The following AGMO variants were observed in gnomAD, a reference collection of about 807,000 sequenced individuals.
AGMO encodes the protein glyceryl-ether monooxygenase.
A neutral mutation model predicts 60.2 loss-of-function variants in AGMO; 75 were observed. The ratio of observed to expected loss-of-function variants is 1.25; its 90% CI spans 1.03 to 1.51. The LOEUF (loss-of-function observed/expected upper bound fraction) is 1.51. Among genes scored for constraint, AGMO ranks in the 40% most tolerant of loss-of-function variants. The probability of loss-of-function intolerance (pLI) is 0.00; values close to 1 mark genes in which losing one functional copy is unlikely to be tolerated. For synonymous variants in AGMO, 261 were observed against 177.1 expected (o/e 1.47, Z -3.76); for missense variants, 763 against 525.5 (o/e 1.45, Z -4.42).
intron 12 of AGMO, among the ~76,000 whole-genome samples, chr7:15,242,717 T>C (rs550267754): frequency 7.7e-4 from 117 of 152,280 alleles, no homozygotes; most frequent in Non-Finnish European, 1.5e-3. Context: ...GATTACCACT[T>C]TCCCCACTGC....
At chr7:15,464,612 T>C (rs1401374144) in intron 3 of AGMO, among the ~76,000 whole-genome samples, 6 of 152,138 alleles carry the variant, frequency 3.9e-5, no homozygotes, top group African/African-American at 1.2e-4. Context: ...CGTCTTCTAA[T>C]ATGAAAACTT....
chr7:15,146,198 G>A, the AGMO span, among the ~76,000 whole-genome samples: 3 of 152,104 alleles, frequency 2.0e-5, no homozygotes, highest in Non-Finnish European at 2.9e-5. Context: ...ATCTTATCAA[G>A]TTATGTTATA....
intron 4 of AGMO, among the ~76,000 whole-genome samples, chr7:15,428,106 C>G (rs750629623): frequency 2.0e-5 from 3 of 150,380 alleles, no homozygotes; most frequent in Non-Finnish European, 3.0e-5. Context: ...ACCTTGGTAA[C>G]TGCTAAATTA....
chr7:15,264,186 AAAC>A (rs1291679298), intron 12 of AGMO, among the ~76,000 whole-genome samples: 1 of 151,998 alleles, frequency 6.6e-6, no homozygotes, highest in East Asian at 1.9e-4. Context: ...ACCAATTAAA[AAAC>A]AACCTTTTAA....
At chr7:15,317,926 C>T (rs1002375008) in intron 12 of AGMO, among the ~76,000 whole-genome samples, 2 of 134,876 alleles carry the variant, frequency 1.5e-5, no homozygotes, top group Non-Finnish European at 3.1e-5. Flanking sequence ...TATACACACA[C>T]GTATATATAT....
the AGMO span, among the ~76,000 whole-genome samples, chr7:15,180,925 G>A: frequency 6.6e-6 from 1 of 152,124 alleles, no homozygotes; most frequent in African/African-American, 2.4e-5. Context: ...GGCAGCAAAT[G>A]AAAGGGTGAA....
chr7:15,216,774 A>T (rs149575860), intron 12 of AGMO, among the ~76,000 whole-genome samples: 1 of 152,092 alleles, frequency 6.6e-6, no homozygotes, highest in Non-Finnish European at 1.5e-5. Context: ...AGATCAACAC[A>T]TATCAATTGA....
At chr7:15,286,462 A>G (rs984503451) in intron 12 of AGMO, among the ~76,000 whole-genome samples, 2 of 152,192 alleles carry the variant, frequency 1.3e-5, no homozygotes, top group African/African-American at 4.8e-5. Flanking sequence ...GCCAACAAAT[A>G]TATCAAAAAA....
chr7:15,342,172 T>TAAAAAAAAAAAAAACAAAAA (rs1781875021), intron 12 of AGMO, among the ~76,000 whole-genome samples: 1 of 54,310 alleles, frequency 1.8e-5, no homozygotes, highest in African/African-American at 9.3e-5. Context: ...CCCACAGAGT[T>TAAAAAAAAAAAAAACAAAAA]AAAAAAAAAA....
At chr7:15,426,024 TAAAAC>T (rs1293829509) in intron 4 of AGMO, among the ~76,000 whole-genome samples, 3 of 152,166 alleles carry the variant, frequency 2.0e-5, no homozygotes, top group Non-Finnish European at 4.4e-5. Context: ...GCTTTATAGA[TAAAAC>T]AAATATGTTC....
the AGMO span, among the ~76,000 whole-genome samples, chr7:15,158,615 T>C: frequency 2.6e-4 from 39 of 152,326 alleles, no homozygotes; most frequent in Middle Eastern, 3.4e-3. Flanking sequence ...ATATGTCTTG[T>C]GAGCCCCTGG....
At chr7:15,322,456 AAATATATATAAATATAT>A (rs1375411787) in intron 12 of AGMO, among the ~76,000 whole-genome samples, 7 of 78,518 alleles carry the variant, frequency 8.9e-5, no homozygotes, top group Non-Finnish European at 1.8e-4. Flanking sequence ...ATATATATAT[AAATATATATAAATATAT>A]AAATATATAT....
chr7:15,207,229 G>C (rs1257255156), intron 12 of AGMO, among the ~76,000 whole-genome samples: 1 of 152,164 alleles, frequency 6.6e-6, no homozygotes, highest in African/African-American at 2.4e-5. Flanking sequence ...ATTAGCTACT[G>C]CACATGTAAA....
chr7:15,174,184 A>G, the AGMO span, among the ~76,000 whole-genome samples: 2 of 152,048 alleles, frequency 1.3e-5, no homozygotes, highest in Non-Finnish European at 2.9e-5. Context: ...CCAAATATAT[A>G]GATATGCAAA....
At chr7:15,172,449 G>C in the AGMO span, among the ~76,000 whole-genome samples, 6 of 152,138 alleles carry the variant, frequency 3.9e-5, no homozygotes, top group Admixed American at 3.9e-4. Context: ...CAATCATTCT[G>C]TAGACCTCCG....
intron 3 of AGMO, among the ~76,000 whole-genome samples, chr7:15,524,751 A>G (rs1357057842): frequency 1.3e-5 from 2 of 151,892 alleles, no homozygotes; most frequent in Non-Finnish European, 2.9e-5. Context: ...AATCCCAGTT[A>G]CATGGGAGGC....
intron 2 of AGMO, among the ~76,000 whole-genome samples, chr7:15,556,590 C>G (rs545041843): frequency 6.6e-6 from 1 of 151,934 alleles, no homozygotes; most frequent in East Asian, 1.9e-4. Flanking sequence ...AATTGAAGTC[C>G]CAGTTTTCTA....
At position 15,201,263 on chromosome 7, in the gene AGMO, G is replaced by T; in HGVS notation, c.*22C>A. 1.3e-6 allele frequency: 2 copies of T among 1,564,216 alleles called. No homozygotes were observed. Among genetic ancestry groups the T allele is most frequent in the East Asian group, 2.3e-5 (1 of 44,344 alleles). On this transcript the variant is annotated 3_prime_UTR_variant, in exon 13 of 13. Coordinates refer to ENST00000342526, the MANE Select transcript of AGMO (RefSeq NM_001004320.2). ...GCGTGTGGACAACTCATTAAAAGAA[G>T]AGAATTATGTACAAATTCAGGTTAT...
intron 3 of AGMO, among the ~76,000 whole-genome samples, chr7:15,502,767 G>A (rs1220557637): frequency 2.0e-5 from 3 of 152,024 alleles, no homozygotes; most frequent in Admixed American, 1.3e-4. Flanking sequence ...ATGAAATAGA[G>A]AAAATTCTTT....
Sources: allele counts gnomAD v4.1 joint callset (sites outside exome capture counted in the v4.1 genomes callset), GRCh38; gene constraint gnomAD v4.1.1; transcripts MANE v1.5; gene names NCBI Gene and HGNC (gene_info 2026-07-23, HGNC 2026-07-21).